The following FMN1 variants were observed in gnomAD, a reference collection of about 807,000 sequenced individuals.
The protein encoded by FMN1 is formin-1.
Under a neutral mutation model 132.4 loss-of-function variants are expected in FMN1, and 110 were observed. The ratio of observed to expected loss-of-function variants is 0.83; its 90% CI spans 0.71 to 0.97. The LOEUF is 0.97. Ranked by LOEUF, FMN1 falls within the 50% of genes least tolerant of loss-of-function variation. FMN1 has a pLI of 0.00. For missense variants in FMN1, 1,792 were observed against 1,705.3 expected (o/e 1.05, Z -0.90); for synonymous variants, 722 against 651.7 (o/e 1.11, Z -1.64).
At chr15:33,056,927 A>T (rs1003552141) in intron 6 of FMN1, among the ~76,000 whole-genome samples, 1 of 152,230 alleles carries the variant, frequency 6.6e-6, no homozygotes, top group Non-Finnish European at 1.5e-5. Context: ...CTGTAATCCC[A>T]GCGCTTTGGG....
chr15:33,001,615 T>A (rs1332969450), intron 7 of FMN1, among the ~76,000 whole-genome samples: 4 of 121,794 alleles, frequency 3.3e-5, no homozygotes. Flanking sequence ...TCCTCGAGTT[T>A]AGAGTGGTCT....
chr15:32,942,079 GC>G (rs1170399307), intron 9 of FMN1, among the ~76,000 whole-genome samples: 1 of 152,202 alleles, frequency 6.6e-6, no homozygotes, highest in African/African-American at 2.4e-5. Flanking sequence ...TTAAGGCAAA[GC>G]CTTTCCAGAC....
chr15:33,170,241 A>G (rs1396100148), intron 3 of FMN1, among the ~76,000 whole-genome samples: 2 of 152,176 alleles, frequency 1.3e-5, no homozygotes, highest in Non-Finnish European at 2.9e-5. Context: ...TAGACTTGCT[A>G]TATCTCTTGA....
rs1297333217 is a variant in FMN1, at chr15:33,194,565, A to G, written c.-349+13T>C. The G allele has an allele frequency of 6.6e-6, 1 of 152,422 alleles. No individual in the cohort carries two copies. Among genetic ancestry groups the G allele is most frequent in the Non-Finnish European group, 1.5e-5 (1 of 68,278 alleles). 9.4% of individuals were successfully genotyped at this position (152,422 alleles called of 1,614,324 possible). ...GGGCAGATGGCCAGCAGAACAGACA[A>G]GACTCTCTTTACCTGACCAATACTC... On this transcript the variant is annotated intron_variant, in intron 1 of 20. Coordinates refer to ENST00000616417, the MANE Select transcript of FMN1 (RefSeq NM_001277313.2).
chr15:33,189,837 T>C (rs1966013393), intron 2 of FMN1, among the ~76,000 whole-genome samples: 1 of 152,202 alleles, frequency 6.6e-6, no homozygotes, highest in South Asian at 2.1e-4. Flanking sequence ...CAACTCATGC[T>C]CACTTGAGTC....
chr15:33,093,856 T>C (rs1164009648), intron 4 of FMN1, among the ~76,000 whole-genome samples: 1 of 152,230 alleles, frequency 6.6e-6, no homozygotes, highest in African/African-American at 2.4e-5. Context: ...AGTTTGCATT[T>C]CTAAAATCAT....
At chr15:32,929,980 AATTTTT>A (rs1567412618) in intron 9 of FMN1, among the ~76,000 whole-genome samples, 3 of 126,140 alleles carry the variant, frequency 2.4e-5, no homozygotes, top group South Asian at 2.4e-4. Flanking sequence ...TCTATTTTTA[AATTTTT>A]TTTTTTTTTT....
At chr15:32,888,430 T>C (rs1332243661) in intron 15 of FMN1, 138 bp from the exon 16 acceptor site, 3 of 696,598 alleles carry the variant, frequency 4.3e-6, no homozygotes, top group East Asian at 2.8e-5. Context: ...TCCTCTGCTA[T>C]TCCTAAATTT....
intron 6 of FMN1, among the ~76,000 whole-genome samples, chr15:33,030,488 A>T (rs772652360): frequency 6.6e-6 from 1 of 152,244 alleles, no homozygotes; most frequent in Non-Finnish European, 1.5e-5. Flanking sequence ...CAATACAAGG[A>T]TAAGCGGCTT....
intron 17 of FMN1, among the ~76,000 whole-genome samples, chr15:32,819,331 C>T (rs2058144713): frequency 6.6e-6 from 1 of 152,114 alleles, no homozygotes; most frequent in East Asian, 1.9e-4. Flanking sequence ...GTTGTAAATG[C>T]CCAGCAGGAT....
chr15:32,889,183 G>A (rs2059966462), intron 15 of FMN1, among the ~76,000 whole-genome samples: 1 of 152,182 alleles, frequency 6.6e-6, no homozygotes, highest in Non-Finnish European at 1.5e-5. Context: ...ACCGAGGGCA[G>A]GGTGAAGTAT....
In FMN1 at chr15:32,798,781, T is replaced by C. The variant is rs760470307; in HGVS notation, c.4130+23A>G. On this transcript the variant is annotated intron_variant, in intron 19 of 20. Transcript: ENST00000616417. ...TTTCCTAGGCTCCTGAAGGAGGCATTAAAATCTTTTTTTGAACCTTACCTT... is the reference window on the plus strand; with the variant it reads ...TTTCCTAGGCTCCTGAAGGAGGCATCAAAATCTTTTTTTGAACCTTACCTT... 5 of 1,600,120 alleles carry C rather than the reference T, an allele frequency of 3.1e-6. No individual in the cohort carries two copies. In the South Asian group the frequency reaches 5.6e-5, roughly 18 times the overall value.
At position 33,058,591 on chromosome 15, in the gene FMN1, A is replaced by T. The variant is rs150598598; in HGVS notation, c.2161+6366T>A. On this transcript the variant is annotated intron_variant, in intron 6 of 20. Coordinates refer to ENST00000616417, the MANE Select transcript of FMN1 (RefSeq NM_001277313.2). The stretch of plus-strand genomic sequence containing the variant: ...TTGCTTATGCTTCATAGCGTAAAAA[A>T]TACCATTCACTCCCTTCTTTGATTC... 5.3e-5 allele frequency among the ~76,000 whole-genome samples: 8 copies of T among 152,326 alleles called. No homozygotes were observed. In the East Asian group the frequency reaches 1.4e-3, roughly 26 times the overall value.
At chr15:32,977,016 A>G (rs2032264152) in intron 7 of FMN1, among the ~76,000 whole-genome samples, 1 of 152,238 alleles carries the variant, frequency 6.6e-6, no homozygotes, top group South Asian at 2.1e-4. Context: ...ATCCTGGCTG[A>G]TATAAAAATT....
chr15:33,115,857 G>T (rs2039903463), intron 4 of FMN1, among the ~76,000 whole-genome samples: 1 of 152,070 alleles, frequency 6.6e-6, no homozygotes, highest in African/African-American at 2.4e-5. Context: ...AACCTTAGCA[G>T]CTTCCAATGA....
chr15:32,973,334 G>A, intron 7 of FMN1, among the ~76,000 whole-genome samples: 1 of 151,908 alleles, frequency 6.6e-6, no homozygotes, highest in East Asian at 1.9e-4. Context: ...CATGCATCTG[G>A]GTCTTTGCAA....
chr15:32,916,964 A>C (rs1236075122), intron 10 of FMN1, among the ~76,000 whole-genome samples: 1 of 152,124 alleles, frequency 6.6e-6, no homozygotes, highest in African/African-American at 2.4e-5. Flanking sequence ...AACTCTGACA[A>C]ACCTACTCCG....
chr15:32,861,531 T>C (rs543825479), intron 16 of FMN1, among the ~76,000 whole-genome samples: 5 of 152,346 alleles, frequency 3.3e-5, no homozygotes, highest in Admixed American at 2.6e-4. Context: ...AGGCATGATA[T>C]GATATTTAAG....
chr15:32,848,982 T>TG (rs201126954), intron 17 of FMN1, among the ~76,000 whole-genome samples: 1,688 of 114,550 alleles, frequency 0.015, 28 homozygotes, highest in African/African-American at 0.075. Flanking sequence ...CTTTTGTTTT[T>TG]TTTTTTTTTT....
Sources: gnomAD v4.1 joint callset for allele counts (sites outside exome capture counted in the v4.1 genomes callset) on GRCh38, gnomAD v4.1.1 for gene constraint, MANE v1.5 for transcripts, NCBI Gene and HGNC (gene_info 2026-07-23, HGNC 2026-07-21) for gene names.